The following XPC variants were observed in gnomAD, a reference collection of about 807,000 sequenced individuals.
The protein encoded by XPC is XPC complex subunit, DNA damage recognition and repair factor, also known as DNA repair protein complementing XP-C cells.
In XPC, 76 loss-of-function variants were observed where a neutral mutation model predicts 95.8. That is an observed-to-expected ratio of 0.79 (90% CI 0.66 to 0.96). The LOEUF (loss-of-function observed/expected upper bound fraction) is 0.96, where lower values mean the gene tolerates loss of function less well. XPC is among the 40% of genes least tolerant of loss of function. The pLI, the probability that XPC is intolerant of heterozygous loss-of-function variation, is 0.00. For synonymous variants in XPC, 442 were observed against 442.1 expected (o/e 1.00, Z 0.00); for missense variants, 1,146 against 1,179.8 (o/e 0.97, Z 0.42).
chr3:14,156,538 G>C, intron 9 of XPC, 43 bp from the exon 10 acceptor site: 1 of 1,612,936 alleles, frequency 6.2e-7, no homozygotes. Flanking sequence ...TTATTTAGAA[G>C]AGGAAATGAA....
At chr3:14,155,854 G>C (rs1038897019) in intron 10 of XPC, among the ~76,000 whole-genome samples, 1 of 152,102 alleles carries the variant, frequency 6.6e-6, no homozygotes, top group South Asian at 2.1e-4. Flanking sequence ...CACCGCGCCC[G>C]GCCCATTTTA....
At position 14,158,002 on chromosome 3, in the gene XPC, A is replaced by C; in HGVS notation, c.1872+9T>G. 1 of 1,588,174 alleles carries C rather than the reference A, an allele frequency of 6.3e-7. No homozygotes were observed. The highest frequency in any genetic ancestry group is 2.3e-5 in the East Asian group (1 of 44,360). On this transcript the variant is annotated intron_variant, in intron 9 of 15. Transcript: ENST00000285021. The surrounding 1 kb of genome is among the most constrained non-coding windows in gnomAD (Gnocchi z 5.2). ...TGTGTCTTGGAGCCCCTGGCAGCCA[A>C]GGCCTTACCTCCAAGTCTTCTTTCT...
chr3:14,167,072 T>C (rs1696409883), intron 5 of XPC, 97 bp downstream of exon 5: 11 of 1,112,796 alleles, frequency 9.9e-6, no homozygotes, highest in Non-Finnish European at 1.2e-5. Flanking sequence ...AAACTTGCCA[T>C]GGCCACAGAG....
At chr3:14,165,667 T>A in intron 5 of XPC, 82 bp from the exon 6 acceptor site, 1 of 1,518,328 alleles carries the variant, frequency 6.6e-7, no homozygotes, top group South Asian at 1.2e-5. Flanking sequence ...AGTCAAGACA[T>A]GCTGTGGACA....
intron 14 of XPC, 43 bp from the exon 15 acceptor site, chr3:14,147,422 C>A: frequency 6.5e-7 from 1 of 1,539,804 alleles, no homozygotes; most frequent in Non-Finnish European, 8.8e-7. Context: ...TAAGCACTGA[C>A]ATTTTCAGGA....
chr3:14,168,561 G>C (rs1486938695), intron 3 of XPC, among the ~76,000 whole-genome samples, 181 bp from the exon 4 acceptor site: 1 of 151,904 alleles, frequency 6.6e-6, no homozygotes, highest in African/African-American at 2.4e-5. Context: ...GCAGTGTGCT[G>C]AGTGTTATAT....
rs1288576358 is a variant in XPC at position 14,168,359 on chromosome 3, C to T, written c.434G>A (p.Gly145Asp). Residue 145 changes from glycine (G) to aspartate (D), a missense_variant, in exon 4 of 16, where the codon GGT (glycine) becomes GAT (aspartate). Physicochemically the swap from Gly to Asp is moderately conservative, Grantham distance 94. Transcript: ENST00000285021. ...EVEELSEPVL[G>D]DVRESTAFSR... is the part of the protein sequence containing the mutation. ...GAAGGCTGTACTTTCTCTCACGTCA[C>T]CCAGCACAGGCTCACTAAGTTCTAT... 3 of 1,613,758 alleles carry T rather than the reference C, an allele frequency of 1.9e-6. No homozygotes were observed. The highest frequency in any genetic ancestry group is 2.5e-6 in the Non-Finnish European group (3 of 1,179,846).
intron 3 of XPC, among the ~76,000 whole-genome samples, chr3:14,169,427 T>C (rs1393978711): frequency 1.3e-5 from 2 of 152,190 alleles, no homozygotes; most frequent in African/African-American, 4.8e-5. Context: ...CATGAGACAG[T>C]CTACAAAACA....
In XPC at chr3:14,156,388, A is replaced by G. The variant is rs771286980; in HGVS notation, c.1980T>C (p.Tyr660=). Residue 660 remains tyrosine (Y), a synonymous_variant, in exon 10 of 16, where the codon TAT becomes TAC. Transcript: ENST00000285021. The part of the protein sequence containing the change: ...KRHLLKYEAI[Y]PETAAILGYC... The stretch of plus-strand genomic sequence containing the variant: ...ACCCAAGGATGGCAGCTGTCTCGGG[A>G]TAGATGGCCTCATATTTCAGGAGAT... 6 of 1,613,972 alleles carry G rather than the reference A, an allele frequency of 3.7e-6. No homozygotes were observed. The highest frequency in any genetic ancestry group is 5.1e-6 in the Non-Finnish European group (6 of 1,179,882).
chr3:14,157,293 T>C (rs895366059), intron 9 of XPC, among the ~76,000 whole-genome samples: 1 of 152,116 alleles, frequency 6.6e-6, no homozygotes, highest in Non-Finnish European at 1.5e-5. Flanking sequence ...TGCACTCCTA[T>C]AGGAAATGAT....
chr3:14,160,887 A>T (rs756722566), intron 7 of XPC, among the ~76,000 whole-genome samples: 2 of 152,228 alleles, frequency 1.3e-5, no homozygotes, highest in Non-Finnish European at 2.9e-5. Context: ...TTCTGCATCT[A>T]GAATAATCCC....
At chr3:14,146,484 C>A (rs1185291472) in intron 15 of XPC, among the ~76,000 whole-genome samples, 1 of 152,170 alleles carries the variant, frequency 6.6e-6, no homozygotes, top group Non-Finnish European at 1.5e-5. Flanking sequence ...TTTGCTACCT[C>A]ATTTCTGGAC....
chr3:14,166,208 C>G (rs1106087), intron 5 of XPC, among the ~76,000 whole-genome samples: 70 of 151,964 alleles, frequency 4.6e-4, no homozygotes, highest in South Asian at 2.1e-4. Flanking sequence ...CTTCCTCCCC[C>G]CCGACTAACA....
In XPC at chr3:14,148,940, T is replaced by A; in HGVS notation, c.2124A>T (p.Lys708Asn). 3.7e-6 allele frequency: 6 copies of A among 1,613,940 alleles called. No homozygotes were observed. Among genetic ancestry groups the A allele is most frequent in the Non-Finnish European group, 5.1e-6 (6 of 1,179,886 alleles). The change falls in exon 12 of 16, where the codon AAA (lysine) becomes AAT (asparagine). Residue 708 changes from lysine to asparagine, a missense_variant. Coordinates refer to ENST00000285021, the MANE Select transcript of XPC (RefSeq NM_004628.5). ...RLGEVPYKMVKGFSNRARKAR... is the reference protein window; with the variant it reads ...RLGEVPYKMVNGFSNRARKAR... ...CTTTCCGAGCACGGTTAGAAAAGCCTTTCACCATCTGCACCAGAGGACACG... is the reference window on the plus strand; with the variant it reads ...CTTTCCGAGCACGGTTAGAAAAGCCATTCACCATCTGCACCAGAGGACACG...
chr3:14,158,899 C>T lies in XPC; in HGVS notation c.991-7G>A. 2 of 1,613,782 alleles carry T rather than the reference C, an allele frequency of 1.2e-6. No individual in the cohort carries two copies. Among genetic ancestry groups the T allele is most frequent in the East Asian group, 2.2e-5 (1 of 44,866 alleles). ...CCTTGGAAGGTTTCTTTCCCTTAAA[C>T]AGAATAAGAAATTTTGCTTTTTTTT... On this transcript the variant is annotated splice_region_variant and splice_polypyrimidine_tract_variant and intron_variant, in intron 8 of 15. Coordinates refer to ENST00000285021, the MANE Select transcript of XPC (RefSeq NM_004628.5). The surrounding 1 kb of genome is among the most constrained non-coding windows in gnomAD (Gnocchi z 5.2).
chr3:14,151,817 C>G (rs1695704579), intron 11 of XPC: 1 of 155,784 alleles, frequency 6.4e-6, no homozygotes, highest in Non-Finnish European at 1.4e-5. Flanking sequence ...CACCTGGGCT[C>G]TGCTCTGCCA....
At chr3:14,160,024 G>C in intron 7 of XPC, 194 bp from the exon 8 acceptor site, 1 of 540,512 alleles carries the variant, frequency 1.9e-6, no homozygotes, top group Non-Finnish European at 3.2e-6. Context: ...AGAAGAACAG[G>C]AACATGCTCA....
rs2125004116 is a variant in XPC, at chr3:14,145,883, G to A, written c.*58C>T. The stretch of plus-strand genomic sequence containing the variant: ...GGGGCTGGGCATGCCCAGGGCAGGT[G>A]TGGGGCCTGTAGTGGGGCAGCAGCA... On this transcript the variant is annotated 3_prime_UTR_variant, in exon 16 of 16. Coordinates refer to ENST00000285021, the MANE Select transcript of XPC (RefSeq NM_004628.5). 1.9e-6 allele frequency: 3 copies of A among 1,568,160 alleles called. No homozygotes were observed. The highest frequency in any genetic ancestry group is 1.7e-6 in the Non-Finnish European group (2 of 1,150,860).
chr3:14,170,796 G>A (rs566378431), intron 2 of XPC, among the ~76,000 whole-genome samples: 1 of 152,268 alleles, frequency 6.6e-6, no homozygotes, highest in African/African-American at 2.4e-5. Context: ...AATCTAGATC[G>A]TGTGAAAGAA....
Sources: gnomAD v4.1 joint callset for allele counts (sites outside exome capture counted in the v4.1 genomes callset) on GRCh38, gnomAD v4.1.1 for gene constraint, Gnocchi (gnomAD v3.1) non-coding constraint, MANE v1.5 for transcripts, NCBI Gene and HGNC (gene_info 2026-07-23, HGNC 2026-07-21) for gene names.